CACNA1C: variants seen among roughly 807,000 people sequenced by gnomAD.
The protein encoded by CACNA1C is voltage-dependent L-type calcium channel subunit alpha-1C.
In CACNA1C, 30 loss-of-function variants were observed where a neutral mutation model predicts 229.0. The ratio of observed to expected loss-of-function variants is 0.13; its 90% CI spans 0.10 to 0.18. CACNA1C has a LOEUF of 0.18. Ranked by LOEUF, CACNA1C falls within the 10% of genes least tolerant of loss-of-function variation. CACNA1C has a pLI of 1.00. For missense variants in CACNA1C, 1,658 were observed against 2,845.0 expected, an observed-to-expected ratio of 0.58 and a Z score of 9.49; for synonymous variants, 1,114 against 1,132.5, an observed-to-expected ratio of 0.98 and a Z score of 0.33.
Position 2,665,737 on chromosome 12 carries a change from C to T in CACNA1C, c.4526+29C>T. On this transcript the variant is annotated intron_variant, in intron 36 of 46. Coordinates refer to ENST00000399655, the MANE Select transcript of CACNA1C (RefSeq NM_000719.7). The surrounding 1 kb of genome is among the most constrained non-coding windows in gnomAD (Gnocchi z 5.9). Reference sequence around the variant, plus strand: ...AGTTCCCAGAGGGAAATCCTGATTCCCCAAGCTGAGAGAGGGTATAGCTGA... The same window carrying T: ...AGTTCCCAGAGGGAAATCCTGATTCTCCAAGCTGAGAGAGGGTATAGCTGA... The T allele has an allele frequency of 1.9e-6, 3 of 1,604,192 alleles. No homozygotes were observed. The highest frequency in any genetic ancestry group is 1.7e-5 in the Admixed American group (1 of 58,920).
chr12:2,503,157 G>C (rs544404447), intron 7 of CACNA1C, among the ~76,000 whole-genome samples: 1 of 152,294 alleles, frequency 6.6e-6, no homozygotes, highest in South Asian at 2.1e-4. Flanking sequence ...TCACCTGTAG[G>C]GCCGTCAAAA....
intron 1 of CACNA1C, among the ~76,000 whole-genome samples, chr12:2,041,821 C>T (rs1408732368): frequency 2.6e-5 from 4 of 152,246 alleles, no homozygotes; most frequent in Non-Finnish European, 4.4e-5. Flanking sequence ...CCTGAACCAA[C>T]GTTCAGTGGC....
In CACNA1C at chr12:2,525,391, C is replaced by T. The variant is rs377341335; in HGVS notation, c.1390+12407C>T. Among the ~76,000 whole-genome samples the T allele has an allele frequency of 5.3e-5, 8 of 152,308 alleles. No homozygotes were observed. The South Asian group carries it at 6.2e-4, about 12-fold the overall frequency. On this transcript the variant is annotated intron_variant, in intron 9 of 46. Transcript: ENST00000399655. ...GGCTGGCAGGCCCTGAACACCTATC[C>T]TGGAGGCTCCAGGATAAACACCTTG...
intron 3 of CACNA1C, among the ~76,000 whole-genome samples, chr12:2,254,613 T>C (rs1383461604): frequency 6.6e-6 from 1 of 152,146 alleles, no homozygotes; most frequent in Non-Finnish European, 1.5e-5. Flanking sequence ...CCCTTCCTAC[T>C]GCTCACCCCT....
At chr12:2,662,305 AT>A (rs2095804578) in intron 34 of CACNA1C, among the ~76,000 whole-genome samples, 1 of 152,152 alleles carries the variant, frequency 6.6e-6, no homozygotes, top group African/African-American at 2.4e-5. Context: ...AAGAAACAAA[AT>A]TAAATGCCAA....
At chr12:2,070,532 T>C (rs1470670886) in intron 1 of CACNA1C, among the ~76,000 whole-genome samples, 1 of 152,256 alleles carries the variant, frequency 6.6e-6, no homozygotes, top group African/African-American at 2.4e-5. Context: ...CATTCTAGAA[T>C]GATAGTTTAG....
At chr12:2,513,301 AG>A (rs1172773121) in intron 9 of CACNA1C, among the ~76,000 whole-genome samples, 1 of 152,250 alleles carries the variant, frequency 6.6e-6, no homozygotes, top group Non-Finnish European at 1.5e-5. Context: ...CTCTTTGGGC[AG>A]GGGCACAGGC....
intron 3 of CACNA1C, among the ~76,000 whole-genome samples, chr12:2,176,474 A>G (rs1453264035): frequency 1.3e-5 from 2 of 151,952 alleles, no homozygotes; most frequent in African/African-American, 4.8e-5. Context: ...AAGATGGAGA[A>G]GTCAAGTAAG....
chr12:2,070,640 T>C (rs969983109), intron 1 of CACNA1C, among the ~76,000 whole-genome samples: 1 of 152,216 alleles, frequency 6.6e-6, no homozygotes, highest in Non-Finnish European at 1.5e-5. Flanking sequence ...AGAAGTCTGC[T>C]GTCAGTCTAA....
chr12:2,286,659 G>A (rs2092723540), intron 3 of CACNA1C, among the ~76,000 whole-genome samples: 3 of 152,134 alleles, frequency 2.0e-5, no homozygotes, highest in South Asian at 2.1e-4. Context: ...TGGAGGAGGC[G>A]CAGTCCCTCC....
At chr12:2,444,598 C>T (rs1261508864) in intron 3 of CACNA1C, among the ~76,000 whole-genome samples, 1 of 152,128 alleles carries the variant, frequency 6.6e-6, no homozygotes, top group Admixed American at 6.5e-5. Flanking sequence ...TCCCCAATAT[C>T]TCCACTTCAG....
At chr12:2,097,187 C>G (rs2074375754) in intron 1 of CACNA1C, among the ~76,000 whole-genome samples, 2 of 151,906 alleles carry the variant, frequency 1.3e-5, no homozygotes, top group Admixed American at 6.6e-5. Flanking sequence ...GCTCTGTCAC[C>G]CAGGCTGGAG....
intron 3 of CACNA1C, among the ~76,000 whole-genome samples, chr12:2,429,024 ATTCTCTAGGGAGAATCTGT>A (rs1298702219): frequency 6.6e-6 from 1 of 152,144 alleles, no homozygotes; most frequent in Non-Finnish European, 1.5e-5. Context: ...TGGCGGGGCC[ATTCTCTAGGGAGAATCTGT>A]TCCATGCCTT....
chr12:2,607,220 G>A (rs1016087017), intron 26 of CACNA1C, 90 bp downstream of exon 26: 9 of 1,367,324 alleles, frequency 6.6e-6, no homozygotes, highest in Admixed American at 2.1e-5. Context: ...TTAATGTCCC[G>A]CACTCCCTCT....
At chr12:2,369,403 CTTT>C (rs372810217) in intron 3 of CACNA1C, among the ~76,000 whole-genome samples, 1 of 142,044 alleles carries the variant, frequency 7.0e-6, no homozygotes, top group African/African-American at 2.6e-5. Context: ...CTTTACATAC[CTTT>C]TTTTTTTTTT....
rs1306343047 is a variant in CACNA1C, at chr12:2,144,590, C to A, written c.477+24160C>A. ...TAATTATTTATTCATTTATAACTCA[C>A]CTCTAAAATGTTTAGGTTTGGGGTG... On this transcript the variant is annotated intron_variant, in intron 3 of 46. Coordinates refer to ENST00000399655, the MANE Select transcript of CACNA1C (RefSeq NM_000719.7). Among the ~76,000 whole-genome samples the A allele has an allele frequency of 1.5e-4, 22 of 151,190 alleles. 3 individuals carry two copies. In the Admixed American group the frequency reaches 1.5e-3, roughly 10 times the overall value.
At chr12:2,324,775 T>C (rs2096211404) in intron 3 of CACNA1C, among the ~76,000 whole-genome samples, 1 of 151,760 alleles carries the variant, frequency 6.6e-6, no homozygotes, top group Non-Finnish European at 1.5e-5. Flanking sequence ...GGGAAGGGCA[T>C]GCTGGGTCTG....
rs2039555132 is a variant in CACNA1C at position 1,992,059 on chromosome 12, G to A, written c.139+20858G>A. ...CAATTCAAACTGGCATTTCTGTAGA[G>A]AAGGAAAGGGTCCTGGAGTTGGAAT... On this transcript the variant is annotated intron_variant, in intron 1 of 46. Coordinates refer to the CACNA1C transcript ENST00000682462. The A allele has an allele frequency of 1.4e-5, 5 of 369,138 alleles. 1 individual carries two copies. The highest frequency in any genetic ancestry group is 1.3e-4 in the South Asian group (5 of 38,014). 22.9% of individuals were successfully genotyped at this position (369,138 alleles called of 1,614,324 possible).
chr12:2,485,967 C>T (rs958916147), intron 5 of CACNA1C, 137 bp from the exon 6 acceptor site: 2 of 632,614 alleles, frequency 3.2e-6, no homozygotes. Context: ...TGGCGTGTGG[C>T]TCTGAGCCTC....
Sources: gnomAD v4.1 joint callset for allele counts (sites outside exome capture counted in the v4.1 genomes callset) on GRCh38, gnomAD v4.1.1 for gene constraint, Gnocchi (gnomAD v3.1) non-coding constraint, MANE v1.5 for transcripts, NCBI Gene and HGNC (gene_info 2026-07-23, HGNC 2026-07-21) for gene names.